CHODL: variants seen among roughly 807,000 people sequenced by gnomAD.
CHODL encodes transmembrane protein MT75.
In CHODL, 29 loss-of-function variants were observed where a neutral mutation model predicts 34.5. That is an observed-to-expected ratio of 0.84 (90% CI 0.63 to 1.15). The LOEUF (loss-of-function observed/expected upper bound fraction) is 1.15, where lower values mean the gene tolerates loss of function less well. Ranked by LOEUF, CHODL falls within the 50% of genes most tolerant of loss-of-function variation. The pLI is 0.00. For missense variants in CHODL, 332 were observed against 332.5 expected (o/e 1.00, Z 0.01); for synonymous variants, 125 against 116.1 (o/e 1.08, Z -0.49).
chr21:17,969,895 T>G (rs2063600856), intron 1 of CHODL, among the ~76,000 whole-genome samples: 1 of 152,200 alleles, frequency 6.6e-6, no homozygotes, highest in Non-Finnish European at 1.5e-5. Context: ...ATAATCTTAC[T>G]GAATGGGGGA....
At chr21:17,954,287 G>C (rs1052515261) in intron 1 of CHODL, among the ~76,000 whole-genome samples, 2 of 152,080 alleles carry the variant, frequency 1.3e-5, no homozygotes, top group Non-Finnish European at 2.9e-5. Context: ...CAGAAATAAA[G>C]GAAAGAAGAG....
rs964944834 is a variant in CHODL, at chr21:18,167,209, CTCTGTGTGTG to C, written c.-44-89298_-44-89289del. 2.3e-4 allele frequency among the ~76,000 whole-genome samples: 30 copies of C among 129,146 alleles called. 1 individual carries two copies. Among genetic ancestry groups the C allele is most frequent in the African/African-American group, 4.9e-4 (17 of 34,840 alleles). 84.7% of individuals were successfully genotyped at this position (129,146 alleles called of 152,430 possible). A position where few individuals can be genotyped will look rare whatever the true frequency, so the allele number is the denominator to read the frequency against. On this transcript the variant is annotated intron_variant, in intron 2 of 6. Coordinates refer to the CHODL transcript ENST00000400127. ...TATTTCACCATTCCCATTTCTCTCT[CTCTGTGTGTG>C]TGTGTGTGTGTGTGTGTGTGTGTGT...
At chr21:18,024,373 G>T (rs144898074) in intron 1 of CHODL, among the ~76,000 whole-genome samples, 2 of 152,104 alleles carry the variant, frequency 1.3e-5, no homozygotes, top group Non-Finnish European at 2.9e-5. Context: ...AGGGCAGGGC[G>T]CAAGTCCTGA....
intron 2 of CHODL, among the ~76,000 whole-genome samples, chr21:18,161,707 G>C (rs187287052): frequency 6.6e-6 from 1 of 151,478 alleles, no homozygotes; most frequent in Non-Finnish European, 1.5e-5. Context: ...TAACTTTTTC[G>C]GGGAATTTTA....
At chr21:17,934,430 A>T (rs201264361) in intron 1 of CHODL, among the ~76,000 whole-genome samples, 19 of 146,874 alleles carry the variant, frequency 1.3e-4, no homozygotes, top group South Asian at 6.4e-4. Context: ...TCTGTCTTTC[A>T]CTCTCTCTCT....
intron 2 of CHODL, among the ~76,000 whole-genome samples, chr21:18,045,986 T>A (rs1356235521): frequency 2.0e-5 from 3 of 151,990 alleles, no homozygotes; most frequent in Non-Finnish European, 2.9e-5. Flanking sequence ...CTGTTCTTTA[T>A]AAATTATTCC....
intron 2 of CHODL, among the ~76,000 whole-genome samples, chr21:18,225,725 CATAAG>C (rs1206494415): frequency 6.6e-6 from 1 of 151,714 alleles, no homozygotes; most frequent in Non-Finnish European, 1.5e-5. Flanking sequence ...TAAAAGAAAA[CATAAG>C]AGAGTAATAA....
intron 1 of CHODL, among the ~76,000 whole-genome samples, chr21:18,023,874 C>T (rs943774361): frequency 2.0e-5 from 3 of 152,106 alleles, no homozygotes; most frequent in African/African-American, 7.2e-5. Flanking sequence ...AATATAAACG[C>T]TTCTTGGAAA....
At chr21:18,066,635 G>T (rs144020889) in intron 2 of CHODL, among the ~76,000 whole-genome samples, 3 of 152,100 alleles carry the variant, frequency 2.0e-5, no homozygotes, top group African/African-American at 2.4e-5. Context: ...TATAACTTAG[G>T]GGGGTGTTAT....
intron 2 of CHODL, chr21:18,034,390 A>G (rs1428218266): frequency 6.6e-6 from 1 of 151,974 alleles, no homozygotes; most frequent in Non-Finnish European, 1.5e-5. Context: ...GGTCACCACC[A>G]CCTGTCAGGC....
At chr21:17,931,693 TAAAA>T (rs537857742) in intron 1 of CHODL, among the ~76,000 whole-genome samples, 105 of 152,148 alleles carry the variant, frequency 6.9e-4, no homozygotes, top group Non-Finnish European at 8.7e-4. Flanking sequence ...ATAGATATCT[TAAAA>T]AAAGACAGGC....
chr21:18,077,022 T>C (rs888221866), intron 2 of CHODL, among the ~76,000 whole-genome samples: 1 of 152,172 alleles, frequency 6.6e-6, no homozygotes, highest in Non-Finnish European at 1.5e-5. Flanking sequence ...TGAAAAGCTG[T>C]TGGGGAGCCA....
chr21:17,958,906 G>T (rs2063512230), intron 1 of CHODL, among the ~76,000 whole-genome samples: 1 of 152,012 alleles, frequency 6.6e-6, no homozygotes, highest in Non-Finnish European at 1.5e-5. Context: ...AAGATTGGGG[G>T]ACTCAGCCTG....
chr21:17,937,879 T>C lies in CHODL; in HGVS notation c.-145+20479T>C, dbSNP rs2063330363. On this transcript the variant is annotated intron_variant, in intron 1 of 6. Coordinates refer to the CHODL transcript ENST00000400127. ...GCTGAATATGTGCCAGGTGCTATGT[T>C]AAGGGCCAAGGATACAAAGATAAAG... 1.3e-5 allele frequency among the ~76,000 whole-genome samples: 2 copies of C among 152,188 alleles called. 1 individual carries two copies. The highest frequency in any genetic ancestry group is 1.3e-4 in the Admixed American group (2 of 15,278).
intron 2 of CHODL, among the ~76,000 whole-genome samples, chr21:18,175,654 G>C (rs1244256942): frequency 1.3e-5 from 2 of 151,716 alleles, no homozygotes; most frequent in Non-Finnish European, 1.5e-5. Context: ...AGATAAAGGA[G>C]ACAGATGAAA....
chr21:18,107,239 C>T (rs934491252), intron 2 of CHODL, among the ~76,000 whole-genome samples: 1 of 152,182 alleles, frequency 6.6e-6, no homozygotes, highest in Non-Finnish European at 1.5e-5. Context: ...GATGGTTGCT[C>T]TTATAGCAGC....
intron 2 of CHODL, among the ~76,000 whole-genome samples, chr21:18,127,672 G>GGT (rs1555874334): frequency 1.4e-5 from 1 of 70,006 alleles, no homozygotes; most frequent in Non-Finnish European, 2.7e-5. Context: ...CGTTGCCATT[G>GGT]TTTTTTTTTT....
At chr21:18,229,975 T>A (rs530696664) in intron 2 of CHODL, among the ~76,000 whole-genome samples, 3 of 152,216 alleles carry the variant, frequency 2.0e-5, no homozygotes, top group Admixed American at 1.3e-4. Flanking sequence ...GACTTGACTG[T>A]CAAATCAATT....
intron 1 of CHODL, among the ~76,000 whole-genome samples, chr21:17,999,883 C>T (rs966781561): frequency 3.3e-5 from 5 of 152,104 alleles, no homozygotes; most frequent in Non-Finnish European, 7.3e-5. Flanking sequence ...CCAGCTTGGT[C>T]GTGTGTGAAG....
Sources: gnomAD v4.1 joint callset for allele counts (sites outside exome capture counted in the v4.1 genomes callset) on GRCh38, gnomAD v4.1.1 for gene constraint, MANE v1.5 for transcripts, NCBI Gene and HGNC (gene_info 2026-07-23, HGNC 2026-07-21) for gene names.